MCTP1: variants seen among roughly 807,000 people sequenced by gnomAD.
MCTP1 encodes multiple C2 and transmembrane domain-containing protein 1.
MCTP1 carries 69 observed loss-of-function variants against 120.6 expected under a neutral mutation model. That is an observed-to-expected ratio of 0.57 (90% CI 0.47 to 0.70). The LOEUF is 0.70. MCTP1 is among the 30% of genes least tolerant of loss of function. MCTP1 has a pLI of 0.00. For missense variants in MCTP1, 1,203 were observed against 1,248.8 expected, an observed-to-expected ratio of 0.96 and a Z score of 0.55; for synonymous variants, 529 against 493.1, an observed-to-expected ratio of 1.07 and a Z score of -0.96.
intron 5 of MCTP1, among the ~76,000 whole-genome samples, chr5:94,937,251 G>T (rs1394528326): frequency 9.2e-5 from 14 of 152,012 alleles, no homozygotes; most frequent in African/African-American, 3.4e-4. Context: ...GAAAGAAGAG[G>T]GCATGAAGTA....
At position 94,982,884 on chromosome 5, in the gene MCTP1, C is replaced by CAAAAAAAAAAAAAAAAAAAAAAAAAAAA. The variant is rs34561115; in HGVS notation, c.839-29551_839-29524dup. Among the ~76,000 whole-genome samples, 12 of 28,620 alleles carry CAAAAAAAAAAAAAAAAAAAAAAAAAAAA rather than the reference C, an allele frequency of 4.2e-4. 1 individual carries two copies. The highest frequency in any genetic ancestry group is 8.3e-4 in the Non-Finnish European group (10 of 12,002). 18.8% of individuals were successfully genotyped at this position (28,620 alleles called of 152,430 possible). On this transcript the variant is annotated intron_variant, in intron 2 of 22. Transcript: ENST00000515393. ...ACCTGGGGGACAGAGCACACTTCATCAAAAAAAAAAAAAAAAAAAAAAAAA... is the reference window on the plus strand; with the variant it reads ...ACCTGGGGGACAGAGCACACTTCATCAAAAAAAAAAAAAAAAAAAAAAAAAAAAAAAAAAAAAAAAAAAAAAAAAAAAA...
At chr5:94,723,154 T>C (rs926359450) in intron 19 of MCTP1, among the ~76,000 whole-genome samples, 4 of 152,192 alleles carry the variant, frequency 2.6e-5, no homozygotes, top group African/African-American at 9.6e-5. Context: ...CTGAATCTTA[T>C]CTAAGTGTCT....
Position 94,888,915 on chromosome 5 carries a change from T to A in MCTP1, c.1897A>T (p.Ile633Phe). 1 of 1,614,016 alleles carries A rather than the reference T, an allele frequency of 6.2e-7. No homozygotes were observed. The highest frequency in any genetic ancestry group is 8.5e-7 in the Non-Finnish European group (1 of 1,179,880). ...GCAGCCATTAACCCTTCCGCTCTGA[T>A]GACTTTCACCTGGAGAAATCCCACA... ...KDVGFLQVKV[I>F]RAEGLMAADV... The change falls in exon 12 of 23, where the codon ATC becomes TTC. Residue 633 changes from isoleucine (I) to phenylalanine (F), a missense_variant. Physicochemically the swap from Ile to Phe is conservative, Grantham distance 21. Coordinates refer to ENST00000515393, the MANE Select transcript of MCTP1 (RefSeq NM_024717.7).
chr5:95,101,212 G>A (rs1221338777), intron 1 of MCTP1, among the ~76,000 whole-genome samples: 1 of 152,122 alleles, frequency 6.6e-6, no homozygotes, highest in East Asian at 1.9e-4. Context: ...GGGAATGACA[G>A]AATCCACATT....
intron 1 of MCTP1, among the ~76,000 whole-genome samples, chr5:95,173,778 AC>A (rs1747632659): frequency 6.6e-6 from 1 of 152,026 alleles, no homozygotes; most frequent in South Asian, 2.1e-4. Flanking sequence ...CAAATAAACA[AC>A]CACAAAGCAA....
chr5:94,767,688 A>G (rs1773107853), intron 19 of MCTP1, among the ~76,000 whole-genome samples: 1 of 152,160 alleles, frequency 6.6e-6, no homozygotes, highest in Admixed American at 6.5e-5. Flanking sequence ...TAAAATACCT[A>G]GGAATAAATT....
At chr5:94,710,748 C>T (rs1169153198) in intron 21 of MCTP1, 70 bp downstream of exon 21, 1 of 947,458 alleles carries the variant, frequency 1.1e-6, no homozygotes, top group East Asian at 2.6e-5. Context: ...GACAGTGTAA[C>T]TCATCTCTTA....
chr5:94,811,587 T>C (rs965820207), intron 17 of MCTP1, among the ~76,000 whole-genome samples: 3 of 152,212 alleles, frequency 2.0e-5, no homozygotes, highest in African/African-American at 7.2e-5. Context: ...GCTGTCCAAA[T>C]CTGTTTTCTT....
intron 7 of MCTP1, among the ~76,000 whole-genome samples, chr5:94,922,734 C>T (rs138880211): frequency 6.0e-4 from 91 of 152,194 alleles, no homozygotes; most frequent in South Asian, 4.1e-3. Flanking sequence ...GTGATCTGCC[C>T]GCCTCAGCCT....
At chr5:94,824,959 T>C (rs1291803215) in intron 17 of MCTP1, among the ~76,000 whole-genome samples, 1 of 152,192 alleles carries the variant, frequency 6.6e-6, no homozygotes, top group East Asian at 1.9e-4. Flanking sequence ...TAGCAGACTA[T>C]CTATTTTGTT....
At chr5:94,923,082 A>T (rs1812117234) in intron 7 of MCTP1, among the ~76,000 whole-genome samples, 1 of 151,968 alleles carries the variant, frequency 6.6e-6, no homozygotes, top group Non-Finnish European at 1.5e-5. Flanking sequence ...CTCACTGGTC[A>T]ATACATGACT....
chr5:95,093,712 A>C (rs545367110), intron 1 of MCTP1, among the ~76,000 whole-genome samples: 2 of 152,316 alleles, frequency 1.3e-5, no homozygotes, highest in Admixed American at 6.5e-5. Flanking sequence ...TTTGTTCCAC[A>C]TGCTGTTCTC....
At chr5:95,194,980 A>C (rs182439605) in intron 1 of MCTP1, among the ~76,000 whole-genome samples, 34 of 152,344 alleles carry the variant, frequency 2.2e-4, no homozygotes, top group African/African-American at 7.9e-4. Flanking sequence ...CTTTCAGAGA[A>C]GGTTCCAAAT....
intron 1 of MCTP1, among the ~76,000 whole-genome samples, chr5:95,067,487 T>C (rs1029842386): frequency 8.5e-5 from 13 of 152,118 alleles, no homozygotes; most frequent in African/African-American, 3.1e-4. Context: ...ATTCATAGAT[T>C]GTCTCTATAG....
At position 94,888,966 on chromosome 5, in the gene MCTP1, A is replaced by G; in HGVS notation, c.1846T>C (p.Leu616=). The G allele has an allele frequency of 1.2e-6, 2 of 1,611,446 alleles. No homozygotes were observed. Among genetic ancestry groups the G allele is most frequent in the Non-Finnish European group, 1.7e-6 (2 of 1,177,572 alleles). ...REEILKRYSP[L]RIFHNLKDVG... ...TCTTTCAGGTTGTGAAATATCCTCA[A>G]TGGGCTCTGAAAGACCCCAACATCA... Residue 616 remains leucine, a synonymous_variant, in exon 12 of 23, where the codon TTG becomes CTG. Transcript: ENST00000515393.
chr5:95,038,140 C>A, intron 1 of MCTP1: 3 of 984,204 alleles, frequency 3.0e-6, no homozygotes, highest in Non-Finnish European at 3.6e-6. Context: ...GGAGTAGGAT[C>A]TCATACACTC....
chr5:95,015,071 T>TA (rs1196983942), intron 2 of MCTP1, among the ~76,000 whole-genome samples: 16 of 152,140 alleles, frequency 1.1e-4, no homozygotes, highest in African/African-American at 3.9e-4. Context: ...CATACATTTT[T>TA]AGACATGCTT....
intron 2 of MCTP1, among the ~76,000 whole-genome samples, chr5:94,993,850 T>G (rs1832081897): frequency 6.6e-6 from 1 of 152,184 alleles, no homozygotes; most frequent in Non-Finnish European, 1.5e-5. Context: ...TAAATTGGCC[T>G]GCAAAGGGCC....
intron 1 of MCTP1, among the ~76,000 whole-genome samples, chr5:95,157,366 G>A (rs1745241969): frequency 6.6e-6 from 1 of 152,036 alleles, no homozygotes. Context: ...TGGAACCCAG[G>A]GCACCCTAAA....
Sources: gnomAD v4.1 joint callset for allele counts (sites outside exome capture counted in the v4.1 genomes callset) on GRCh38, gnomAD v4.1.1 for gene constraint, MANE v1.5 for transcripts, NCBI Gene and HGNC (gene_info 2026-07-23, HGNC 2026-07-21) for gene names.